Variants in FNDC3B observed in about 807,000 individuals in gnomAD.
FNDC3B encodes fibronectin type III domain-containing protein 3B.
A neutral mutation model predicts 151.5 loss-of-function variants in FNDC3B; 12 were observed. That is an observed-to-expected ratio of 0.08 (90% CI 0.05 to 0.13). FNDC3B has a LOEUF of 0.13. FNDC3B is among the 10% of genes least tolerant of loss of function. The probability of loss-of-function intolerance (pLI) is 1.00; values close to 1 mark genes in which losing one functional copy is unlikely to be tolerated. For synonymous variants in FNDC3B, 528 were observed against 549.0 expected (o/e 0.96, Z 0.54); for missense variants, 1,214 against 1,505.3 (o/e 0.81, Z 3.20).
intron 1 of FNDC3B, among the ~76,000 whole-genome samples, chr3:172,069,050 G>T (rs1468581851): frequency 6.6e-6 from 1 of 152,156 alleles, no homozygotes; most frequent in Non-Finnish European, 1.5e-5. Context: ...ATATTCCTTT[G>T]TAAATCTTAT....
chr3:172,195,301 A>T (rs1369629820), intron 3 of FNDC3B, among the ~76,000 whole-genome samples: 1 of 152,102 alleles, frequency 6.6e-6, no homozygotes, highest in African/African-American at 2.4e-5. Context: ...CCCGAGGGAG[A>T]ACACTGTGTG....
At chr3:172,160,045 A>T (rs1477123934) in intron 3 of FNDC3B, among the ~76,000 whole-genome samples, 1 of 152,188 alleles carries the variant, frequency 6.6e-6, no homozygotes, top group Non-Finnish European at 1.5e-5. Flanking sequence ...GGCTGACCAG[A>T]ATCAGCCTCA....
intron 21 of FNDC3B, among the ~76,000 whole-genome samples, chr3:172,349,243 G>A (rs991597565): frequency 6.2e-4 from 94 of 152,142 alleles, no homozygotes; most frequent in African/African-American, 2.1e-3. Context: ...CTGCACCACT[G>A]TAGGCCAGCG....
chr3:172,192,169 G>A (rs1212583722), intron 3 of FNDC3B, among the ~76,000 whole-genome samples: 3 of 87,364 alleles, frequency 3.4e-5, no homozygotes, highest in Non-Finnish European at 7.3e-5. Context: ...TTTTGTGTGT[G>A]TTTTTTGTTT....
At chr3:172,369,427 T>TC (rs1356145861) in intron 23 of FNDC3B, among the ~76,000 whole-genome samples, 1 of 152,070 alleles carries the variant, frequency 6.6e-6, no homozygotes, top group Non-Finnish European at 1.5e-5. Context: ...TAAATAAATC[T>TC]CCATTTTAAT....
chr3:172,065,315 G>C (rs1191093886), intron 1 of FNDC3B, among the ~76,000 whole-genome samples: 1 of 152,214 alleles, frequency 6.6e-6, no homozygotes, highest in Non-Finnish European at 1.5e-5. Context: ...CTGGGTGACA[G>C]AGCTAGACTC....
chr3:172,210,470 A>G (rs976648583), intron 3 of FNDC3B, among the ~76,000 whole-genome samples: 9 of 152,092 alleles, frequency 5.9e-5, no homozygotes, highest in African/African-American at 1.9e-4. Context: ...CCTCCCAAGT[A>G]TGCTGGGACT....
At chr3:172,089,263 T>G (rs1251036121) in intron 1 of FNDC3B, among the ~76,000 whole-genome samples, 1 of 152,110 alleles carries the variant, frequency 6.6e-6, no homozygotes, top group East Asian at 1.9e-4. Flanking sequence ...GAATCAAGAG[T>G]GTAGGAAAAC....
At chr3:172,141,151 C>G (rs919389043) in intron 3 of FNDC3B, among the ~76,000 whole-genome samples, 35 of 152,222 alleles carry the variant, frequency 2.3e-4, no homozygotes, top group Admixed American at 1.4e-3. Flanking sequence ...TTTTTCCCCC[C>G]CCTAAATAGA....
intron 3 of FNDC3B, among the ~76,000 whole-genome samples, chr3:172,153,073 G>C (rs775606598): frequency 1.3e-5 from 2 of 152,106 alleles, no homozygotes; most frequent in Non-Finnish European, 2.9e-5. Context: ...CATGGGTGTC[G>C]GGACCGCTGA....
At chr3:172,088,007 C>T (rs1718637668) in intron 1 of FNDC3B, among the ~76,000 whole-genome samples, 1 of 152,158 alleles carries the variant, frequency 6.6e-6, no homozygotes, top group South Asian at 2.1e-4. Context: ...TTCGTCACCT[C>T]AGCCATTCGT....
intron 25 of FNDC3B, among the ~76,000 whole-genome samples, chr3:172,385,914 ATGTTTTGTTTGAAGCATCAACTCTAACTT>A (rs1735687533): frequency 6.6e-6 from 1 of 152,006 alleles, no homozygotes; most frequent in Non-Finnish European, 1.5e-5. Flanking sequence ...GCCTTTTCTG[ATGTTTTGTTTGAAGCATCAACTCTAACTT>A]TGCCTTGGTT....
chr3:172,334,996 G>C lies in FNDC3B; in HGVS notation c.1694G>C (p.Cys565Ser). The stretch of plus-strand genomic sequence containing the variant: ...AGCTGTCCAAGCGAAGTTCTTGTTT[G>C]TACGACGAGTCCTGACAGGCCTGGA... Reference protein sequence around the residue: ...GKSCPSEVLVCTTSPDRPGPP... With the variant: ...GKSCPSEVLVSTTSPDRPGPP... Residue 565 changes from cysteine to serine, a missense_variant, in exon 15 of 26, where the codon TGT (cysteine) becomes TCT (serine). By Grantham distance (112) the Cys-to-Ser change is moderately radical (BLOSUM62 -1). Coordinates refer to ENST00000415807, the MANE Select transcript of FNDC3B (RefSeq NM_022763.4). 1 of 1,613,776 alleles carries C rather than the reference G, an allele frequency of 6.2e-7. No individual in the cohort carries two copies. The highest frequency in any genetic ancestry group is 8.5e-7 in the Non-Finnish European group (1 of 1,179,876).
rs536972537 is a variant in FNDC3B at position 172,304,133 on chromosome 3, G to A, written c.1062-3230G>A. ...GCCATCCTCCCAGCCTGGCCACCAG[G>A]AGTCTCCATCACTTACGACTCTCCA... On this transcript the variant is annotated intron_variant, in intron 9 of 25. Coordinates refer to ENST00000415807, the MANE Select transcript of FNDC3B (RefSeq NM_022763.4). 1.6e-4 allele frequency among the ~76,000 whole-genome samples: 24 copies of A among 152,228 alleles called. No homozygotes were observed. The South Asian group carries it at 4.4e-3, about 28-fold the overall frequency.
chr3:172,076,659 G>C (rs767919376), intron 1 of FNDC3B, among the ~76,000 whole-genome samples: 1 of 137,628 alleles, frequency 7.3e-6, no homozygotes, highest in Non-Finnish European at 1.6e-5. Flanking sequence ...ACTTAAAAAT[G>C]ATCAAAATAC....
intron 8 of FNDC3B, among the ~76,000 whole-genome samples, chr3:172,297,624 G>A (rs1329022046): frequency 7.2e-5 from 11 of 152,108 alleles, no homozygotes; most frequent in South Asian, 6.2e-4. Flanking sequence ...ACAGGTGCCC[G>A]CCACCACGCC....
intron 25 of FNDC3B, among the ~76,000 whole-genome samples, chr3:172,386,092 G>T (rs1438821055): frequency 2.0e-5 from 3 of 152,106 alleles, no homozygotes; most frequent in Admixed American, 2.0e-4. Context: ...TGCACATTTG[G>T]TTTGCCTTTT....
chr3:172,312,573 CG>C (rs1731565899), intron 11 of FNDC3B, among the ~76,000 whole-genome samples: 1 of 151,364 alleles, frequency 6.6e-6, no homozygotes, highest in African/African-American at 2.4e-5. Context: ...TCTCATGTCT[CG>C]AGGTTCACCA....
chr3:172,118,049 GT>G (rs879792320), intron 2 of FNDC3B, among the ~76,000 whole-genome samples: 2 of 152,172 alleles, frequency 1.3e-5, no homozygotes, highest in East Asian at 1.9e-4. Context: ...CATGGAGAGA[GT>G]TTTTTTCCCT....
Sources: gnomAD v4.1 joint callset for allele counts (sites outside exome capture counted in the v4.1 genomes callset) on GRCh38, gnomAD v4.1.1 for gene constraint, MANE v1.5 for transcripts, NCBI Gene and HGNC (gene_info 2026-07-23, HGNC 2026-07-21) for gene names.